CACNA1D: variants seen among roughly 807,000 people sequenced by gnomAD.
CACNA1D encodes the protein voltage-dependent L-type calcium channel subunit alpha-1D.
Under a neutral mutation model 257.1 loss-of-function variants are expected in CACNA1D, and 55 were observed. That is an observed-to-expected ratio of 0.21 (90% CI 0.17 to 0.27). The LOEUF (loss-of-function observed/expected upper bound fraction) is 0.27. Among genes scored for constraint, CACNA1D ranks in the 10% least tolerant of loss-of-function variants. The pLI is 1.00. For missense variants in CACNA1D, 1,876 were observed against 2,784.0 expected, an observed-to-expected ratio of 0.67 and a Z score of 7.34; for synonymous variants, 980 against 1,014.9, an observed-to-expected ratio of 0.97 and a Z score of 0.65.
intron 12 of CACNA1D, among the ~76,000 whole-genome samples, chr3:53,722,904 G>A (rs934324112): frequency 6.6e-6 from 1 of 152,074 alleles, no homozygotes; most frequent in African/African-American, 2.4e-5. Flanking sequence ...TGACAGTTTT[G>A]AGCCTTTGAA....
At chr3:53,562,440 A>G (rs2092756398) in intron 3 of CACNA1D, among the ~76,000 whole-genome samples, 1 of 152,200 alleles carries the variant, frequency 6.6e-6, no homozygotes, top group African/African-American at 2.4e-5. Flanking sequence ...TGGGTTTTTT[A>G]TTAATCCATT....
chr3:53,719,894 A>G (rs557657172), intron 11 of CACNA1D, 113 bp downstream of exon 11: 2 of 964,486 alleles, frequency 2.1e-6, no homozygotes, highest in East Asian at 4.8e-5. Flanking sequence ...GTGGATTATA[A>G]CATTGATACT....
At chr3:53,674,929 T>C (rs2094359513) in intron 8 of CACNA1D, among the ~76,000 whole-genome samples, 1 of 152,368 alleles carries the variant, frequency 6.6e-6, no homozygotes, top group African/African-American at 2.4e-5. Context: ...TTTCCGAGGC[T>C]GTATCTCGGG....
At chr3:53,649,088 TG>T (rs1264767689) in intron 3 of CACNA1D, among the ~76,000 whole-genome samples, 1 of 152,134 alleles carries the variant, frequency 6.6e-6, no homozygotes, top group African/African-American at 2.4e-5. Context: ...ATGTTCTGCC[TG>T]GCACGGCCGG....
At chr3:53,697,672 C>T (rs1370938920) in intron 8 of CACNA1D, among the ~76,000 whole-genome samples, 1 of 152,148 alleles carries the variant, frequency 6.6e-6, no homozygotes, top group Non-Finnish European at 1.5e-5. Flanking sequence ...AATTTTACCT[C>T]ATTTACTTTT....
At chr3:53,700,722 C>A (rs2094615917) in intron 8 of CACNA1D, among the ~76,000 whole-genome samples, 1 of 152,120 alleles carries the variant, frequency 6.6e-6, no homozygotes, top group African/African-American at 2.4e-5. Flanking sequence ...CAAAGCCTGG[C>A]CTCCTTCCTT....
chr3:53,601,406 T>G (rs900358707), intron 3 of CACNA1D, among the ~76,000 whole-genome samples: 1 of 152,334 alleles, frequency 6.6e-6, no homozygotes, highest in Middle Eastern at 3.4e-3. Flanking sequence ...TGCTCCCTGG[T>G]TAAGAACAGC....
At chr3:53,526,535 G>A (rs2091771404) in intron 3 of CACNA1D, among the ~76,000 whole-genome samples, 1 of 152,166 alleles carries the variant, frequency 6.6e-6, no homozygotes, top group Non-Finnish European at 1.5e-5. Flanking sequence ...GTAAGCATTC[G>A]GACCTTGACC....
At chr3:53,772,947 C>T in intron 33 of CACNA1D, 49 bp downstream of exon 33, 2 of 1,480,014 alleles carry the variant, frequency 1.4e-6, no homozygotes, top group Non-Finnish European at 1.9e-6. Context: ...TGGGTAGCCC[C>T]AAATCTGTGG....
At chr3:53,558,296 G>C (rs1262801271) in intron 3 of CACNA1D, among the ~76,000 whole-genome samples, 1 of 152,060 alleles carries the variant, frequency 6.6e-6, no homozygotes, top group East Asian at 1.9e-4. Flanking sequence ...TCCTCTCCTG[G>C]TTTTTGTAGA....
intron 3 of CACNA1D, among the ~76,000 whole-genome samples, chr3:53,613,798 C>T (rs1233384031): frequency 6.6e-6 from 1 of 151,932 alleles, no homozygotes; most frequent in Non-Finnish European, 1.5e-5. Context: ...TACAAGGTTT[C>T]GGGCAGTTTC....
intron 8 of CACNA1D, among the ~76,000 whole-genome samples, chr3:53,680,180 G>A (rs908515726): frequency 2.0e-5 from 3 of 152,058 alleles, no homozygotes; most frequent in Admixed American, 6.6e-5. Flanking sequence ...AATGGCTGTC[G>A]GGATCAGTGG....
intron 8 of CACNA1D, among the ~76,000 whole-genome samples, chr3:53,682,384 A>AAC (rs1553634118): frequency 6.7e-6 from 1 of 148,184 alleles, no homozygotes; most frequent in Non-Finnish European, 1.5e-5. Flanking sequence ...AAAAAAAAAA[A>AAC]AAAAAAAAAA....
At chr3:53,496,961 C>T (rs927774258) in intron 1 of CACNA1D, among the ~76,000 whole-genome samples, 191 bp from the exon 2 acceptor site, 1 of 152,162 alleles carries the variant, frequency 6.6e-6, no homozygotes, top group South Asian at 2.1e-4. Flanking sequence ...GAGACCAGAG[C>T]TCGTGGACTT....
chr3:53,556,276 G>A (rs62251869), intron 3 of CACNA1D, among the ~76,000 whole-genome samples: 31,353 of 152,108 alleles, frequency 0.21, 3,888 homozygotes, highest in Middle Eastern at 0.32. Flanking sequence ...GTTCACTAGC[G>A]TAAATACCTA....
intron 3 of CACNA1D, among the ~76,000 whole-genome samples, chr3:53,503,762 C>CT (rs75095437): frequency 0.01 from 1,461 of 141,850 alleles, 9 homozygotes; most frequent in Non-Finnish European, 0.015. Flanking sequence ...AAGCTTTGAA[C>CT]TTTTTTTTTT....
intron 8 of CACNA1D, chr3:53,679,544 C>G (rs2094409462): frequency 6.6e-6 from 1 of 152,054 alleles, no homozygotes; most frequent in Admixed American, 6.6e-5. Context: ...TCTTGGCCAA[C>G]AGAGAATTTT....
rs372622416 is a variant in CACNA1D at position 53,528,939 on chromosome 3, T to C, written c.483+27219T>C. Among the ~76,000 whole-genome samples the C allele has an allele frequency of 2.6e-5, 4 of 152,206 alleles. No homozygotes were observed. In the East Asian group the frequency reaches 5.8e-4, roughly 22 times the overall value. On this transcript the variant is annotated intron_variant, in intron 3 of 47. Coordinates refer to ENST00000350061, the MANE Select transcript of CACNA1D (RefSeq NM_001128840.3). ...TAGAATTTTCTATGAACACAATTATTTTGTGAATAAAGATAGTTTTGTTTC... is the reference window on the plus strand; with the variant it reads ...TAGAATTTTCTATGAACACAATTATCTTGTGAATAAAGATAGTTTTGTTTC...
At chr3:53,618,987 C>T (rs1282705126) in intron 3 of CACNA1D, among the ~76,000 whole-genome samples, 1 of 152,166 alleles carries the variant, frequency 6.6e-6, no homozygotes. Context: ...CCTTTGCAGG[C>T]AGCCCTTACC....
Sources: allele counts gnomAD v4.1 joint callset (sites outside exome capture counted in the v4.1 genomes callset), GRCh38; gene constraint gnomAD v4.1.1; transcripts MANE v1.5; gene names NCBI Gene and HGNC (gene_info 2026-07-23, HGNC 2026-07-21).